Variants in ADAMTS12 observed in about 807,000 individuals in gnomAD.
The protein encoded by ADAMTS12 is A disintegrin and metalloproteinase with thrombospondin motifs 12.
In ADAMTS12, 118 loss-of-function variants were observed where a neutral mutation model predicts 167.8. The ratio of observed to expected loss-of-function variants is 0.70; its 90% CI spans 0.61 to 0.82. The LOEUF is 0.82. Ranked by LOEUF, ADAMTS12 falls within the 40% of genes least tolerant of loss-of-function variation. ADAMTS12 has a pLI of 0.00. For synonymous variants in ADAMTS12, 704 were observed against 716.9 expected (o/e 0.98, Z 0.29); for missense variants, 1,916 against 1,998.8 (o/e 0.96, Z 0.79).
intron 1 of ADAMTS12, 78 bp from the exon 2 acceptor site, chr5:33,881,558 T>C: frequency 6.7e-7 from 1 of 1,498,108 alleles, no homozygotes; most frequent in Non-Finnish European, 8.8e-7. Flanking sequence ...GGAACTTGAA[T>C]GCTAGCTTTT....
chr5:33,777,511 G>A (rs1281665271), intron 2 of ADAMTS12, among the ~76,000 whole-genome samples: 2 of 152,052 alleles, frequency 1.3e-5, no homozygotes, highest in Non-Finnish European at 2.9e-5. Context: ...AATAAATTGG[G>A]TATAGAAAGA....
Position 33,631,472 on chromosome 5 carries a change from A to G in ADAMTS12, c.1889-559T>C, listed in dbSNP as rs1338870607. The stretch of plus-strand genomic sequence containing the variant: ...TGCTTAGATTGACAACCATGTAGAA[A>G]CATTTTTTTTGTTGAAGCTGAAGCC... On this transcript the variant is annotated intron_variant, in intron 12 of 23. Coordinates refer to ENST00000504830, the MANE Select transcript of ADAMTS12 (RefSeq NM_030955.4). Among the ~76,000 whole-genome samples the G allele has an allele frequency of 4.5e-5, 5 of 110,438 alleles. No individual in the cohort carries two copies. In the East Asian group the frequency reaches 1.1e-3, roughly 25 times the overall value. 72.5% of individuals were successfully genotyped at this position (110,438 alleles called of 152,430 possible).
At chr5:33,823,719 G>T (rs62349828) in intron 2 of ADAMTS12, among the ~76,000 whole-genome samples, 15,945 of 151,612 alleles carry the variant, frequency 0.11, 1,316 homozygotes, top group South Asian at 0.38. Flanking sequence ...TTACCTGTCA[G>T]TTTTGGCTTA....
intron 3 of ADAMTS12, among the ~76,000 whole-genome samples, chr5:33,698,713 G>A (rs893635124): frequency 8.5e-5 from 13 of 152,168 alleles, no homozygotes; most frequent in African/African-American, 1.4e-4. Context: ...CCAGGCGGGC[G>A]GATCACCTGA....
At chr5:33,538,501 T>C (rs1050460352) in intron 22 of ADAMTS12, among the ~76,000 whole-genome samples, 10 of 152,148 alleles carry the variant, frequency 6.6e-5, no homozygotes, top group African/African-American at 2.2e-4. Flanking sequence ...AGACATGAGA[T>C]ACAATGGGAC....
intron 2 of ADAMTS12, among the ~76,000 whole-genome samples, chr5:33,847,996 C>G (rs1362726966): frequency 6.6e-6 from 1 of 152,196 alleles, no homozygotes; most frequent in Non-Finnish European, 1.5e-5. Context: ...GGTCAGATCA[C>G]TTGAGGTCAA....
In ADAMTS12 at chr5:33,624,349, C is replaced by T; in HGVS notation, c.2025G>A (p.Met675Ile). The T allele has an allele frequency of 1.2e-6, 2 of 1,613,922 alleles. No individual in the cohort carries two copies. Among genetic ancestry groups the T allele is most frequent in the African/African-American group, 2.7e-5 (2 of 75,046 alleles). The part of the protein sequence containing the change: ...RNVCINGICK[M>I]VGCDYEIDSN... Reference sequence around the variant, plus strand: ...AATCGATCTCATAGTCACAGCCAACCATCTGTGGGGAAGAGAGGTGGAGGA... The same window carrying T: ...AATCGATCTCATAGTCACAGCCAACTATCTGTGGGGAAGAGAGGTGGAGGA... The change falls in exon 14 of 24, where the codon ATG becomes ATA. Residue 675 changes from methionine (M) to isoleucine (I), a missense_variant and splice_region_variant. Transcript: ENST00000504830.
At chr5:33,674,885 C>T (rs1461639878) in intron 5 of ADAMTS12, among the ~76,000 whole-genome samples, 9 of 152,022 alleles carry the variant, frequency 5.9e-5, no homozygotes, top group African/African-American at 2.2e-4. Context: ...AATTTGTTTG[C>T]CAATGTAAAG....
intron 3 of ADAMTS12, among the ~76,000 whole-genome samples, chr5:33,739,046 T>G (rs1051852103): frequency 7.2e-5 from 11 of 152,300 alleles, no homozygotes; most frequent in Non-Finnish European, 1.6e-4. Flanking sequence ...CCTTGCTAGT[T>G]AGGTTAAACA....
intron 2 of ADAMTS12, among the ~76,000 whole-genome samples, chr5:33,816,726 G>GA: frequency 6.6e-6 from 1 of 152,144 alleles, no homozygotes; most frequent in East Asian, 1.9e-4. Context: ...GAAATGACAG[G>GA]TGAGGAAAGC....
chr5:33,728,721 A>T (rs368046430), intron 3 of ADAMTS12, among the ~76,000 whole-genome samples: 75 of 152,318 alleles, frequency 4.9e-4, no homozygotes, highest in African/African-American at 1.7e-3. Context: ...GAGAGCTCTG[A>T]CTGTGTGTAG....
intron 1 of ADAMTS12, among the ~76,000 whole-genome samples, chr5:33,890,662 T>C (rs933107327): frequency 6.6e-6 from 1 of 152,216 alleles, no homozygotes; most frequent in Non-Finnish European, 1.5e-5. Flanking sequence ...CAGGACTTAG[T>C]GCATGCTAAC....
At chr5:33,544,842 AC>A (rs1744889986) in intron 22 of ADAMTS12, among the ~76,000 whole-genome samples, 1 of 152,176 alleles carries the variant, frequency 6.6e-6, no homozygotes, top group Non-Finnish European at 1.5e-5. Flanking sequence ...CCTTCCTTAC[AC>A]CTTATATAAA....
At chr5:33,732,861 A>G (rs1744239893) in intron 3 of ADAMTS12, among the ~76,000 whole-genome samples, 1 of 152,084 alleles carries the variant, frequency 6.6e-6, no homozygotes, top group Admixed American at 6.5e-5. Context: ...TAAAAGTCCA[A>G]CACCAGGGGA....
chr5:33,649,413 C>T lies in ADAMTS12; in HGVS notation c.1334+141G>A, dbSNP rs117624697. The T allele has an allele frequency of 2.3e-4, 238 of 1,045,136 alleles. 2 individuals are homozygous for T. The East Asian group carries it at 5.6e-3, about 25-fold the overall frequency. The allele number at this position is 1,045,136 out of a possible 1,614,324, so 64.7% of individuals were successfully genotyped here. A position where few individuals can be genotyped will look rare whatever the true frequency, so the allele number is the denominator to read the frequency against. On this transcript the variant is annotated intron_variant, in intron 8 of 23. Transcript: ENST00000504830. ...ATCAGAATGCAGAAGTGAAATCCGC[C>T]CCTTCTGATGCCACCCTGACATGGT...
chr5:33,683,077 T>G lies in ADAMTS12; in HGVS notation c.856A>C (p.Ser286Arg). Residue 286 changes from serine to arginine, a missense_variant, in exon 5 of 24, where the codon AGC becomes CGC. By Grantham distance (110) the Ser-to-Arg change is moderately radical. Transcript: ENST00000504830. ...NMVTGLFHNPSIGNAIHIVVV... is the reference protein window; with the variant it reads ...NMVTGLFHNPRIGNAIHIVVV... ...ACAATGTGAATTGCATTGCCAATGC[T>G]TGGGTTATGGAACAACCCAGTGACC... is the stretch of plus-strand genomic sequence containing the variant. 1.2e-6 allele frequency: 2 copies of G among 1,613,586 alleles called. No individual in the cohort carries two copies. The highest frequency in any genetic ancestry group is 1.3e-5 in the African/African-American group (1 of 75,030).
chr5:33,722,848 C>T (rs1743853365), intron 3 of ADAMTS12, among the ~76,000 whole-genome samples: 1 of 152,144 alleles, frequency 6.6e-6, no homozygotes, highest in Non-Finnish European at 1.5e-5. Flanking sequence ...CCACTGTAGT[C>T]TAACTAAATT....
intron 18 of ADAMTS12, among the ~76,000 whole-genome samples, chr5:33,580,362 T>C (rs1352053890): frequency 6.6e-6 from 1 of 151,674 alleles, no homozygotes; most frequent in Non-Finnish European, 1.5e-5. Context: ...CAGACTGAAG[T>C]GGGGAAAGCC....
intron 2 of ADAMTS12, among the ~76,000 whole-genome samples, chr5:33,870,624 G>T (rs114216940): frequency 6.6e-6 from 1 of 152,194 alleles, no homozygotes. Flanking sequence ...GGAGGGGCCA[G>T]AGCTAAAATG....
Sources: gnomAD v4.1 joint callset for allele counts (sites outside exome capture counted in the v4.1 genomes callset) on GRCh38, gnomAD v4.1.1 for gene constraint, MANE v1.5 for transcripts, NCBI Gene and HGNC (gene_info 2026-07-23, HGNC 2026-07-21) for gene names.